Variants in MSRB3 observed in about 807,000 individuals in gnomAD.
MSRB3 encodes the protein methionine sulfoxide reductase B3, also known as methionine-R-sulfoxide reductase B3.
A neutral mutation model predicts 21.0 loss-of-function variants in MSRB3; 13 were observed. That is an observed-to-expected ratio of 0.62 (90% CI 0.40 to 0.98). The LOEUF (loss-of-function observed/expected upper bound fraction) is 0.98. Among genes scored for constraint, MSRB3 ranks in the 50% least tolerant of loss-of-function variants. The pLI is 0.00. For missense variants in MSRB3, 199 were observed against 230.3 expected, an observed-to-expected ratio of 0.86 and a Z score of 0.88; for synonymous variants, 87 against 88.6, an observed-to-expected ratio of 0.98 and a Z score of 0.10.
At chr12:65,432,008 G>C (rs1158637029) in intron 5 of MSRB3, among the ~76,000 whole-genome samples, 3 of 151,884 alleles carry the variant, frequency 2.0e-5, no homozygotes, top group Non-Finnish European at 1.5e-5. Context: ...CAGTATCTTT[G>C]GTTTCTTTAA....
intron 5 of MSRB3, among the ~76,000 whole-genome samples, chr12:65,445,285 G>A (rs896825060): frequency 6.6e-6 from 1 of 151,794 alleles, no homozygotes; most frequent in Admixed American, 6.6e-5. Context: ...TCTCTCATCT[G>A]ATATATACGT....
At chr12:65,448,714 A>G (rs961088230) in intron 5 of MSRB3, among the ~76,000 whole-genome samples, 2 of 152,214 alleles carry the variant, frequency 1.3e-5, no homozygotes, top group African/African-American at 4.8e-5. Flanking sequence ...TCAAATTTAA[A>G]CAATAACATG....
chr12:65,348,698 C>T (rs1225124120), intron 4 of MSRB3, among the ~76,000 whole-genome samples: 14 of 152,036 alleles, frequency 9.2e-5, no homozygotes, highest in African/African-American at 3.4e-4. Flanking sequence ...ATTTTAAATC[C>T]TTCCTGCTTT....
chr12:65,378,732 C>T (rs1878777994), intron 5 of MSRB3, among the ~76,000 whole-genome samples: 1 of 152,114 alleles, frequency 6.6e-6, no homozygotes, highest in Non-Finnish European at 1.5e-5. Flanking sequence ...CAGGGATGGG[C>T]TCACATGGAC....
chr12:65,395,564 A>G (rs1879734573), intron 5 of MSRB3, among the ~76,000 whole-genome samples: 1 of 152,172 alleles, frequency 6.6e-6, no homozygotes, highest in Non-Finnish European at 1.5e-5. Flanking sequence ...GTATTTCTGG[A>G]AGAGATTGTA....
chr12:65,304,437 C>T (rs1012556298), intron 1 of MSRB3, among the ~76,000 whole-genome samples: 20 of 152,174 alleles, frequency 1.3e-4, no homozygotes, highest in African/African-American at 4.8e-5. Flanking sequence ...TCAAAATTAT[C>T]TACCAGATAT....
chr12:65,379,755 C>A (rs1407026323), intron 5 of MSRB3, among the ~76,000 whole-genome samples: 1 of 152,090 alleles, frequency 6.6e-6, no homozygotes, highest in Non-Finnish European at 1.5e-5. Context: ...AGTTTGGCTA[C>A]CATTGATGCA....
At chr12:65,406,781 G>T (rs933593979) in intron 5 of MSRB3, among the ~76,000 whole-genome samples, 1 of 152,048 alleles carries the variant, frequency 6.6e-6, no homozygotes, top group African/African-American at 2.4e-5. Context: ...TAAGAGCTGG[G>T]GTCATTTAGG....
chr12:65,342,031 A>G lies in MSRB3; in HGVS notation c.263+13428A>G, dbSNP rs553597096. 2.6e-5 allele frequency among the ~76,000 whole-genome samples: 4 copies of G among 152,104 alleles called. No homozygotes were observed. In the East Asian group the frequency reaches 7.7e-4, roughly 29 times the overall value. ...CTGTTGTCTCTCACCACTCAACACT[A>G]CTACAATACAAGTTCTAGGGGAAAA... On this transcript the variant is annotated intron_variant, in intron 4 of 6. Coordinates refer to ENST00000308259, the MANE Select transcript of MSRB3 (RefSeq NM_001031679.3).
intron 5 of MSRB3, among the ~76,000 whole-genome samples, chr12:65,389,848 A>G (rs942944325): frequency 6.6e-6 from 1 of 152,224 alleles, no homozygotes; most frequent in Non-Finnish European, 1.5e-5. Flanking sequence ...GAGTATAATT[A>G]TGGGATAATT....
chr12:65,287,319 G>A (rs191008068), intron 1 of MSRB3, among the ~76,000 whole-genome samples: 1 of 151,766 alleles, frequency 6.6e-6, no homozygotes, highest in Non-Finnish European at 1.5e-5. Context: ...GTAGAGATAG[G>A]GTCTCCCTAT....
At chr12:65,445,575 T>G (rs1882575078) in intron 5 of MSRB3, among the ~76,000 whole-genome samples, 1 of 151,784 alleles carries the variant, frequency 6.6e-6, no homozygotes. Flanking sequence ...TCTGCATGAA[T>G]TTTTAGAGTC....
intron 4 of MSRB3, among the ~76,000 whole-genome samples, chr12:65,362,579 G>A (rs1343058275): frequency 6.6e-6 from 1 of 152,138 alleles, no homozygotes; most frequent in Non-Finnish European, 1.5e-5. Flanking sequence ...AACTCCTTTA[G>A]TATGATCAAA....
At chr12:65,338,123 G>A (rs1157595794) in intron 4 of MSRB3, among the ~76,000 whole-genome samples, 1 of 152,138 alleles carries the variant, frequency 6.6e-6, no homozygotes, top group African/African-American at 2.4e-5. Flanking sequence ...TAAGATGGCG[G>A]AAATGTAAAT....
chr12:65,380,318 C>T (rs1005990473), intron 5 of MSRB3, among the ~76,000 whole-genome samples: 2 of 152,032 alleles, frequency 1.3e-5, no homozygotes, highest in Non-Finnish European at 2.9e-5. Context: ...AGTTGGGAGT[C>T]TATTAGAAAC....
At chr12:65,395,242 G>A (rs1879714172) in intron 5 of MSRB3, among the ~76,000 whole-genome samples, 2 of 152,108 alleles carry the variant, frequency 1.3e-5, no homozygotes, top group Non-Finnish European at 1.5e-5. Flanking sequence ...TAAGGTGGAC[G>A]GATTACTCGA....
At chr12:65,365,340 G>C (rs1485542742) in intron 4 of MSRB3, among the ~76,000 whole-genome samples, 1 of 152,124 alleles carries the variant, frequency 6.6e-6, no homozygotes, top group Non-Finnish European at 1.5e-5. Flanking sequence ...GGGTAACTGA[G>C]GGGGAAGAAA....
chr12:65,368,428 CAG>C (rs1878134138), intron 4 of MSRB3, among the ~76,000 whole-genome samples: 1 of 152,170 alleles, frequency 6.6e-6, no homozygotes, highest in African/African-American at 2.4e-5. Flanking sequence ...AATTACCTAA[CAG>C]AAGTTTTCCC....
At chr12:65,341,558 T>G (rs1876144364) in intron 4 of MSRB3, among the ~76,000 whole-genome samples, 1 of 145,992 alleles carries the variant, frequency 6.8e-6, no homozygotes, top group African/African-American at 2.5e-5. Context: ...AAAAAAAAAC[T>G]AAAAGAGTAT....
Sources: gnomAD v4.1 joint callset for allele counts (sites outside exome capture counted in the v4.1 genomes callset) on GRCh38, gnomAD v4.1.1 for gene constraint, MANE v1.5 for transcripts, NCBI Gene and HGNC (gene_info 2026-07-23, HGNC 2026-07-21) for gene names.